NKAIN3: variants seen among roughly 807,000 people sequenced by gnomAD.
The protein encoded by NKAIN3 is sodium/potassium-transporting ATPase subunit beta-1-interacting protein 3.
NKAIN3 carries 25 observed loss-of-function variants against 30.2 expected under a neutral mutation model. The ratio of observed to expected loss-of-function variants is 0.83; its 90% CI spans 0.60 to 1.16. NKAIN3 has a LOEUF of 1.16. Among genes scored for constraint, NKAIN3 ranks in the 50% most tolerant of loss-of-function variants. The probability of loss-of-function intolerance (pLI) is 0.00; values close to 1 mark genes in which losing one functional copy is unlikely to be tolerated. For synonymous variants in NKAIN3, 91 were observed against 89.6 expected, an observed-to-expected ratio of 1.02 and a Z score of -0.09; for missense variants, 225 against 254.1, an observed-to-expected ratio of 0.89 and a Z score of 0.78.
intron 4 of NKAIN3, among the ~76,000 whole-genome samples, chr8:62,828,606 T>C (rs1819100208): frequency 7.7e-6 from 1 of 130,670 alleles, no homozygotes; most frequent in Non-Finnish European, 1.7e-5. Context: ...CTTCTCCCAT[T>C]GAGACAGGAG....
intron 1 of NKAIN3, among the ~76,000 whole-genome samples, chr8:62,345,466 C>CAG (rs1490830698): frequency 5.9e-5 from 1 of 17,038 alleles, no homozygotes; most frequent in Non-Finnish European, 1.5e-4. Flanking sequence ...TATATATACA[C>CAG]ATATATACAC....
intron 4 of NKAIN3, among the ~76,000 whole-genome samples, chr8:62,794,743 A>T (rs1817808854): frequency 6.6e-6 from 1 of 152,160 alleles, no homozygotes; most frequent in Non-Finnish European, 1.5e-5. Context: ...TACTGCGTAT[A>T]ATTTGTATTC....
chr8:62,500,584 G>C (rs1303747024), intron 1 of NKAIN3, among the ~76,000 whole-genome samples: 1 of 152,026 alleles, frequency 6.6e-6, no homozygotes, highest in Non-Finnish European at 1.5e-5. Flanking sequence ...ATAATGTGTG[G>C]GCCGACTGAA....
rs574436201 is a variant in NKAIN3, at chr8:62,333,261, A to G, written c.54+84134A>G. Reference sequence around the variant, plus strand: ...AATTTGTGGTTCATTTCACCTTTTTATGACTCCAGAAGTTAAATGATTCTT... The same window carrying G: ...AATTTGTGGTTCATTTCACCTTTTTGTGACTCCAGAAGTTAAATGATTCTT... On this transcript the variant is annotated intron_variant, in intron 1 of 6. Transcript: ENST00000623646. Among the ~76,000 whole-genome samples, 22 of 152,174 alleles carry G rather than the reference A, an allele frequency of 1.4e-4. No individual in the cohort carries two copies. The South Asian group carries it at 4.2e-3, about 29-fold the overall frequency.
rs57696601 is a variant in NKAIN3 at position 62,918,087 on chromosome 8, TTA to T, written c.472-363_472-362del. Among the ~76,000 whole-genome samples, 235 of 152,302 alleles carry T rather than the reference TTA, an allele frequency of 1.5e-3. 1 individual carries two copies. The highest frequency in any genetic ancestry group is 5.4e-3 in the African/African-American group (225 of 41,574). On this transcript the variant is annotated intron_variant, in intron 4 of 6. Transcript: ENST00000623646. ...CTGTAGCTTTTAAACTTTAAAATAG[TTA>T]TAGTTAATTAGTGCTAGTACAAAAT...
chr8:62,412,582 T>A (rs1295552999), intron 1 of NKAIN3, among the ~76,000 whole-genome samples: 1 of 151,910 alleles, frequency 6.6e-6, no homozygotes, highest in African/African-American at 2.4e-5. Flanking sequence ...TATAAGGAAC[T>A]TAAATCAATA....
chr8:62,479,845 G>C (rs1231705491), intron 1 of NKAIN3, among the ~76,000 whole-genome samples: 1 of 152,130 alleles, frequency 6.6e-6, no homozygotes, highest in African/African-American at 2.4e-5. Flanking sequence ...TGCAAGGTTG[G>C]TCAGGATATT....
rs184204714 is a variant in NKAIN3, at chr8:62,752,720, G to A, written c.471+5591G>A. ...CTCCCATTAACTAGAACTGTACTGA[G>A]TGCAGAGTGGCCACTCTTTCATAGT... is the stretch of plus-strand genomic sequence containing the variant. On this transcript the variant is annotated intron_variant, in intron 4 of 6. Coordinates refer to ENST00000623646, the MANE Select transcript of NKAIN3 (RefSeq NM_001304533.3). Among the ~76,000 whole-genome samples, 490 of 152,268 alleles carry A rather than the reference G, an allele frequency of 3.2e-3. 1 individual carries two copies. The highest frequency in any genetic ancestry group is 6.1e-3 in the Non-Finnish European group (414 of 68,012).
chr8:62,957,095 AG>A (rs1281363348), intron 6 of NKAIN3, among the ~76,000 whole-genome samples: 2 of 152,252 alleles, frequency 1.3e-5, no homozygotes, highest in African/African-American at 4.8e-5. Flanking sequence ...GAAGCTAAAA[AG>A]TTTTGTTCAC....
chr8:62,720,751 A>G (rs1815063831), intron 3 of NKAIN3, among the ~76,000 whole-genome samples: 1 of 152,218 alleles, frequency 6.6e-6, no homozygotes, highest in Non-Finnish European at 1.5e-5. Context: ...AGGGCTCCAG[A>G]AGAAGCTACT....
chr8:62,986,978 C>T (rs1419249550), downstream of NKAIN3, among the ~76,000 whole-genome samples: 1 of 152,156 alleles, frequency 6.6e-6, no homozygotes, highest in African/African-American at 2.4e-5. Flanking sequence ...CTCTTTCATG[C>T]TTATATGATT....
chr8:62,426,264 A>C (rs1185301031), intron 1 of NKAIN3, among the ~76,000 whole-genome samples: 2 of 151,990 alleles, frequency 1.3e-5, no homozygotes, highest in Admixed American at 1.3e-4. Flanking sequence ...GGAATGCATG[A>C]AAAATTTGAC....
intron 1 of NKAIN3, among the ~76,000 whole-genome samples, chr8:62,551,545 A>G (rs777731407): frequency 2.7e-4 from 41 of 152,180 alleles, no homozygotes; most frequent in Admixed American, 5.9e-4. Context: ...TTGGTGCTGG[A>G]ATAGGGCTCG....
At chr8:62,946,532 G>A (rs1318951232) in intron 5 of NKAIN3, among the ~76,000 whole-genome samples, 1 of 152,152 alleles carries the variant, frequency 6.6e-6, no homozygotes, top group Non-Finnish European at 1.5e-5. Context: ...TCATTATGGT[G>A]GGGTGCTGCG....
At chr8:62,855,930 A>G (rs1398577503) in intron 4 of NKAIN3, 30 of 746,110 alleles carry the variant, frequency 4.0e-5, no homozygotes, top group Non-Finnish European at 2.5e-6. Context: ...TGATGCTACA[A>G]CCTCCTTGTC....
chr8:62,433,811 G>C (rs1805089965), intron 1 of NKAIN3, among the ~76,000 whole-genome samples: 1 of 152,096 alleles, frequency 6.6e-6, no homozygotes, highest in Non-Finnish European at 1.5e-5. Context: ...AATATCTATA[G>C]CTACCCCTTT....
At chr8:62,320,464 C>T (rs537662332) in intron 1 of NKAIN3, among the ~76,000 whole-genome samples, 2 of 152,206 alleles carry the variant, frequency 1.3e-5, no homozygotes, top group East Asian at 3.9e-4. Flanking sequence ...TTTGCAGTGG[C>T]TGGTACCGGT....
At chr8:62,833,954 A>G (rs1173620986) in intron 4 of NKAIN3, among the ~76,000 whole-genome samples, 1 of 151,720 alleles carries the variant, frequency 6.6e-6, no homozygotes. Flanking sequence ...GAAGCTAGAA[A>G]TCACATCAAA....
At chr8:62,510,644 T>A (rs550476495) in intron 1 of NKAIN3, among the ~76,000 whole-genome samples, 1 of 151,978 alleles carries the variant, frequency 6.6e-6, no homozygotes, top group Non-Finnish European at 1.5e-5. Flanking sequence ...GGAAGCAGAA[T>A]GTGGAAGTGA....
Sources: allele counts gnomAD v4.1 joint callset (sites outside exome capture counted in the v4.1 genomes callset), GRCh38; gene constraint gnomAD v4.1.1; transcripts MANE v1.5; gene names NCBI Gene and HGNC (gene_info 2026-07-23, HGNC 2026-07-21).